SYCP1: variants seen among roughly 807,000 people sequenced by gnomAD.
The protein encoded by SYCP1 is synaptonemal complex protein 1, also known as cancer/testis antigen 8.
Under a neutral mutation model 153.1 loss-of-function variants are expected in SYCP1, and 64 were observed. That is an observed-to-expected ratio of 0.42 (90% confidence interval 0.34 to 0.51). SYCP1 has a LOEUF of 0.51. Ranked by LOEUF, SYCP1 falls within the 20% of genes least tolerant of loss-of-function variation. SYCP1 has a pLI of 0.06. For synonymous variants in SYCP1, 384 were observed against 341.8 expected (o/e 1.12, Z -1.36); for missense variants, 997 against 1,049.0 (o/e 0.95, Z 0.68).
intron 27 of SYCP1, among the ~76,000 whole-genome samples, chr1:114,968,042 G>C (rs1672247398): frequency 6.6e-6 from 1 of 152,216 alleles, no homozygotes; most frequent in Non-Finnish European, 1.5e-5. Flanking sequence ...TCTGCAGAGA[G>C]AGCCACTGTT....
rs149485079 is a variant in SYCP1, at chr1:114,863,634, C to A, written c.598+2825C>A. Among the ~76,000 whole-genome samples, 93 of 152,234 alleles carry A rather than the reference C, an allele frequency of 6.1e-4. 1 individual carries two copies. The highest frequency in any genetic ancestry group is 6.0e-3 in the Admixed American group (91 of 15,288). On this transcript the variant is annotated intron_variant, in intron 8 of 31. Transcript: ENST00000369522. ...TTTTAATAATTGCCATTCTAACTGG[C>A]GTGAGATGGTATCTCATTGTGGTCT...
Position 114,928,532 on chromosome 1 carries a change from G to T in SYCP1, c.1926+1969G>T, listed in dbSNP as rs565505009. Among the ~76,000 whole-genome samples, 34 of 152,294 alleles carry T rather than the reference G, an allele frequency of 2.2e-4. No individual in the cohort carries two copies. In the South Asian group the frequency reaches 5.6e-3, roughly 25 times the overall value. On this transcript the variant is annotated intron_variant, in intron 23 of 31. Transcript: ENST00000369522. ...TTCAAGTTGAAGGAAAATGGCATTA[G>T]ATGGAAACTGATCAATGAAAAGCAC...
chr1:114,992,568 G>A (rs946762043), intron 30 of SYCP1, among the ~76,000 whole-genome samples: 5 of 151,534 alleles, frequency 3.3e-5, no homozygotes, highest in Admixed American at 2.0e-4. Context: ...TCAACATATG[G>A]TGCTGGGAAA....
chr1:114,874,463 C>A, intron 8 of SYCP1, 43 bp from the exon 9 acceptor site: 1 of 1,203,720 alleles, frequency 8.3e-7, no homozygotes, highest in Non-Finnish European at 1.2e-6. Flanking sequence ...TTGTTGACAT[C>A]TTATTTTAAA....
At chr1:114,866,963 C>G (rs1358286128) in intron 8 of SYCP1, among the ~76,000 whole-genome samples, 5 of 150,786 alleles carry the variant, frequency 3.3e-5, no homozygotes, top group Non-Finnish European at 7.4e-5. Context: ...AAAAGACCAT[C>G]TTTTCTCTAT....
intron 16 of SYCP1, among the ~76,000 whole-genome samples, chr1:114,899,402 G>T (rs1476531983): frequency 6.6e-6 from 1 of 152,148 alleles, no homozygotes; most frequent in African/African-American, 2.4e-5. Flanking sequence ...CATTCAGTTA[G>T]CTCTTCTTTT....
At chr1:114,878,304 C>A in intron 12 of SYCP1, 102 bp downstream of exon 12, 2 of 769,560 alleles carry the variant, frequency 2.6e-6, no homozygotes, top group Non-Finnish European at 4.2e-6. Flanking sequence ...CTTTCTAGTA[C>A]TGTACTTCTC....
intron 21 of SYCP1, among the ~76,000 whole-genome samples, chr1:114,923,790 G>A (rs971482714): frequency 8.6e-5 from 13 of 151,782 alleles, no homozygotes; most frequent in African/African-American, 2.9e-4. Flanking sequence ...CATTTTTTAG[G>A]CAAAATAAAA....
intron 27 of SYCP1, among the ~76,000 whole-genome samples, chr1:114,954,870 C>T (rs1410615295): frequency 1.3e-5 from 2 of 152,180 alleles, no homozygotes; most frequent in African/African-American, 4.8e-5. Context: ...TGAGCCACCG[C>T]GCCTGGCCTT....
chr1:114,855,343 A>G, intron 1 of SYCP1, 98 bp from the exon 2 acceptor site: 1 of 583,384 alleles, frequency 1.7e-6, no homozygotes, highest in Non-Finnish European at 2.8e-6. Context: ...TTTTTTAGCC[A>G]TTTAGTTTGT....
chr1:114,955,753 A>G (rs1341822975), intron 27 of SYCP1, among the ~76,000 whole-genome samples: 1 of 152,064 alleles, frequency 6.6e-6, no homozygotes, highest in Non-Finnish European at 1.5e-5. Flanking sequence ...GAGAGTGCAG[A>G]CTGACAGCAC....
At chr1:114,880,018 C>T (rs1286705479) in intron 12 of SYCP1, among the ~76,000 whole-genome samples, 8 of 152,210 alleles carry the variant, frequency 5.3e-5, no homozygotes, top group South Asian at 2.1e-4. Flanking sequence ...AATATATATT[C>T]GTCATTGATA....
chr1:114,947,320 G>A lies in SYCP1; in HGVS notation c.2322G>A (p.Lys774=), dbSNP rs766652510. The A allele has an allele frequency of 1.6e-5, 26 of 1,611,512 alleles. No individual in the cohort carries two copies. The highest frequency in any genetic ancestry group is 2.0e-5 in the Non-Finnish European group (24 of 1,178,884). ...AACTTGAAATAGAAAGAGAAGAGAA[G>A]GTAGGTTTTTTGGCATTATAGATAA... is the stretch of plus-strand genomic sequence containing the variant. ...KKQLEIEREE[K]EKLKREAKEN... is the part of the protein sequence containing the mutation. The change falls in exon 27 of 32, where the codon AAG becomes AAA. Residue 774 remains lysine, a splice_region_variant and synonymous_variant. Coordinates refer to ENST00000369522, the MANE Select transcript of SYCP1 (RefSeq NM_003176.4).
At chr1:114,943,758 A>G in intron 23 of SYCP1, among the ~76,000 whole-genome samples, 1 of 151,720 alleles carries the variant, frequency 6.6e-6, no homozygotes, top group African/African-American at 2.4e-5. Context: ...ATTACCCATA[A>G]CCCTCTTCCC....
chr1:114,968,473 T>C (rs1672279402), intron 27 of SYCP1, among the ~76,000 whole-genome samples: 1 of 152,252 alleles, frequency 6.6e-6, no homozygotes, highest in Non-Finnish European at 1.5e-5. Context: ...TTGATTCAGC[T>C]ATTGATACTT....
intron 27 of SYCP1, among the ~76,000 whole-genome samples, chr1:114,958,488 T>G (rs1217669174): frequency 4.6e-5 from 7 of 152,224 alleles, no homozygotes; most frequent in Admixed American, 4.6e-4. Context: ...ATGATAGATA[T>G]CCTAATTACT....
chr1:114,966,324 T>A (rs977935059), intron 27 of SYCP1, among the ~76,000 whole-genome samples: 1 of 152,208 alleles, frequency 6.6e-6, no homozygotes, highest in Admixed American at 6.5e-5. Flanking sequence ...TTTTGAAGGG[T>A]TTTTCATGTC....
rs752118153 is a variant in SYCP1, at chr1:114,858,660, A to G, written c.405A>G (p.Gln135=). 10 of 1,612,544 alleles carry G rather than the reference A, an allele frequency of 6.2e-6. No individual in the cohort carries two copies. In the South Asian group the frequency reaches 7.7e-5, roughly 12 times the overall value. ...TGAGACAGAAAGAAAGTAAGTTGCA[A>G]GAAAACAGAAAGATAATTGAAGCAC... ...AELRQKESKL[Q]ENRKIIEAQR... The change falls in exon 6 of 32, where the codon CAA becomes CAG. Residue 135 remains glutamine (Q), a synonymous_variant. Coordinates refer to ENST00000369522, the MANE Select transcript of SYCP1 (RefSeq NM_003176.4).
At chr1:114,887,154 C>T (rs1272880840) in intron 14 of SYCP1, among the ~76,000 whole-genome samples, 3 of 152,000 alleles carry the variant, frequency 2.0e-5, no homozygotes, top group African/African-American at 7.2e-5. Flanking sequence ...AGTGATTTTT[C>T]ATTTTTAAAA....
Sources: allele counts gnomAD v4.1 joint callset (sites outside exome capture counted in the v4.1 genomes callset), GRCh38; gene constraint gnomAD v4.1.1; transcripts MANE v1.5; gene names NCBI Gene and HGNC (gene_info 2026-07-23, HGNC 2026-07-21).